Variants in SIL1 observed in about 807,000 individuals in gnomAD.
The protein encoded by SIL1 is SIL1 nucleotide exchange factor, also known as nucleotide exchange factor SIL1.
In SIL1, 40 loss-of-function variants were observed where a neutral mutation model predicts 49.1. The observed-to-expected ratio is 0.81, with a 90% CI of 0.63 to 1.06. The LOEUF is 1.06. SIL1 is among the 50% of genes least tolerant of loss of function. The pLI, the probability that SIL1 is intolerant of heterozygous loss-of-function variation, is 0.00. For missense variants in SIL1, 500 were observed against 572.6 expected (o/e 0.87, Z 1.29); for synonymous variants, 253 against 250.8 (o/e 1.01, Z -0.08).
At chr5:138,966,744 T>G (rs1767152599) in intron 7 of SIL1, among the ~76,000 whole-genome samples, 2 of 151,942 alleles carry the variant, frequency 1.3e-5, no homozygotes, top group Admixed American at 1.3e-4. Flanking sequence ...GACAACTCAA[T>G]GAGGCAGACA....
intron 3 of SIL1, among the ~76,000 whole-genome samples, chr5:139,111,184 A>G (rs534501980): frequency 1.2e-4 from 18 of 152,264 alleles, no homozygotes; most frequent in Middle Eastern, 6.8e-3. Context: ...CTTCTCTTTC[A>G]TTGCTCAAAG....
At chr5:139,155,254 G>A (rs1265898518) in intron 1 of SIL1, 1 of 152,180 alleles carries the variant, frequency 6.6e-6, no homozygotes, top group Non-Finnish European at 1.5e-5. Flanking sequence ...CACTGTATTA[G>A]CCTGCTCAGG....
chr5:139,081,729 A>C (rs1275073737), intron 3 of SIL1, among the ~76,000 whole-genome samples: 1 of 151,478 alleles, frequency 6.6e-6, no homozygotes, highest in Non-Finnish European at 1.5e-5. Flanking sequence ...AAATACAAAA[A>C]TTGGCCAGGC....
chr5:139,075,191 A>C (rs1023287120), intron 3 of SIL1, among the ~76,000 whole-genome samples: 2 of 152,200 alleles, frequency 1.3e-5, no homozygotes, highest in African/African-American at 4.8e-5. Flanking sequence ...GAAATTACCA[A>C]CCAGAGTCTG....
intron 3 of SIL1, among the ~76,000 whole-genome samples, chr5:139,115,075 G>C (rs1770959069): frequency 6.6e-6 from 1 of 151,282 alleles, no homozygotes; most frequent in African/African-American, 2.4e-5. Flanking sequence ...GGACAGAAGA[G>C]ATTATACTCT....
At chr5:139,129,143 T>A (rs887623017) in intron 1 of SIL1, among the ~76,000 whole-genome samples, 9 of 152,070 alleles carry the variant, frequency 5.9e-5, no homozygotes, top group African/African-American at 2.2e-4. Context: ...TGAGTACCCA[T>A]CTAAGAAAGT....
chr5:139,101,154 T>C (rs1027387695), intron 3 of SIL1, among the ~76,000 whole-genome samples: 1 of 152,142 alleles, frequency 6.6e-6, no homozygotes, highest in African/African-American at 2.4e-5. Context: ...CTGGATTCCC[T>C]AACTCTCAGA....
chr5:139,154,212 C>T (rs567410905), intron 1 of SIL1, among the ~76,000 whole-genome samples: 1 of 149,072 alleles, frequency 6.7e-6, no homozygotes, highest in East Asian at 1.9e-4. Context: ...GAAGAAGGGA[C>T]TGAGCCAAAA....
At chr5:139,064,289 TA>T (rs1229868960) in intron 3 of SIL1, among the ~76,000 whole-genome samples, 3 of 152,196 alleles carry the variant, frequency 2.0e-5, no homozygotes, top group Non-Finnish European at 4.4e-5. Flanking sequence ...GCAAAATTCT[TA>T]GGGTAGAATT....
chr5:139,147,419 T>C (rs1254097827), intron 1 of SIL1, among the ~76,000 whole-genome samples: 1 of 152,186 alleles, frequency 6.6e-6, no homozygotes, highest in Non-Finnish European at 1.5e-5. Flanking sequence ...TTAGATCCTA[T>C]GCTGGGGTTG....
At chr5:139,164,006 C>A (rs1561886227) in intron 1 of SIL1, among the ~76,000 whole-genome samples, 1 of 151,434 alleles carries the variant, frequency 6.6e-6, no homozygotes, top group Non-Finnish European at 1.5e-5. Context: ...GTAATCCCAG[C>A]TACTCGGGAG....
At chr5:139,181,574 C>T (rs867254860) in intron 1 of SIL1, among the ~76,000 whole-genome samples, 1 of 152,182 alleles carries the variant, frequency 6.6e-6, no homozygotes, top group Non-Finnish European at 1.5e-5. Context: ...GTTCCCCACA[C>T]ACAGTTCTTG....
intron 7 of SIL1, among the ~76,000 whole-genome samples, chr5:139,020,690 T>A (rs1181511279): frequency 1.3e-5 from 2 of 152,214 alleles, no homozygotes; most frequent in African/African-American, 2.4e-5. Context: ...CCAGACTAAC[T>A]GAAATTCTCA....
chr5:139,140,168 C>A (rs1293909983), intron 1 of SIL1, among the ~76,000 whole-genome samples: 1 of 151,828 alleles, frequency 6.6e-6, no homozygotes, highest in Non-Finnish European at 1.5e-5. Context: ...TACTCGGGAG[C>A]CTGAGGCAAG....
intron 1 of SIL1, among the ~76,000 whole-genome samples, chr5:139,143,340 C>CATATATATAT (rs1398396877): frequency 6.0e-4 from 51 of 85,132 alleles, no homozygotes; most frequent in South Asian, 1.1e-3. Context: ...CACACACACA[C>CATATATATAT]ACACATATAT....
intron 3 of SIL1, among the ~76,000 whole-genome samples, chr5:139,106,119 G>A (rs776920815): frequency 2.0e-5 from 3 of 152,210 alleles, no homozygotes; most frequent in African/African-American, 7.2e-5. Context: ...TTTTCTGCTA[G>A]TGCTCTAGCC....
intron 3 of SIL1, among the ~76,000 whole-genome samples, chr5:139,066,514 C>G (rs2150469209): frequency 6.6e-6 from 1 of 152,130 alleles, no homozygotes; most frequent in East Asian, 1.9e-4. Flanking sequence ...CAGTTTTATA[C>G]ATTATCTTTC....
Position 138,967,521 on chromosome 5 carries a change from A to G in SIL1, c.768-15637T>C, listed in dbSNP as rs555020556. On this transcript the variant is annotated intron_variant, in intron 7 of 9. Transcript: ENST00000394817. ...AGATGAAAAGCTCCCAATAAAACCC[A>G]GACCTACATGGCTGCACTGATCAAA... 2.6e-5 allele frequency among the ~76,000 whole-genome samples: 4 copies of G among 152,372 alleles called. No individual in the cohort carries two copies. In the South Asian group the frequency reaches 6.2e-4, roughly 24 times the overall value.
intron 5 of SIL1, chr5:139,035,999 T>C (rs1360470141): frequency 1.3e-5 from 2 of 152,158 alleles, no homozygotes; most frequent in African/African-American, 4.8e-5. Context: ...GTTTGCCCAG[T>C]TTGTAATGGG....
Sources: gnomAD v4.1 joint callset for allele counts (sites outside exome capture counted in the v4.1 genomes callset) on GRCh38, gnomAD v4.1.1 for gene constraint, MANE v1.5 for transcripts, NCBI Gene and HGNC (gene_info 2026-07-23, HGNC 2026-07-21) for gene names.